Variants in JAZF1 observed in about 807,000 individuals in gnomAD.
JAZF1 encodes the protein JAZF zinc finger 1.
In JAZF1, 8 loss-of-function variants were observed where a neutral mutation model predicts 26.4. The observed-to-expected ratio is 0.30, with a 90% CI of 0.18 to 0.55. The LOEUF is 0.55. Among genes scored for constraint, JAZF1 ranks in the 20% least tolerant of loss-of-function variants. The probability of loss-of-function intolerance (pLI) is 0.94; values close to 1 mark genes in which losing one functional copy is unlikely to be tolerated. For missense variants in JAZF1, 199 were observed against 322.0 expected (o/e 0.62, Z 2.92); for synonymous variants, 126 against 122.3 (o/e 1.03, Z -0.20).
At chr7:28,125,134 C>A (rs1782674137) in intron 1 of JAZF1, among the ~76,000 whole-genome samples, 2 of 139,836 alleles carry the variant, frequency 1.4e-5, no homozygotes, top group South Asian at 2.2e-4. Flanking sequence ...AATTATGGAA[C>A]AGGGAAGATT....
chr7:27,886,524 T>C (rs532486258), intron 3 of JAZF1, among the ~76,000 whole-genome samples: 1 of 152,376 alleles, frequency 6.6e-6, no homozygotes, highest in African/African-American at 2.4e-5. Flanking sequence ...TGCCTTGCAA[T>C]TATCTATGAC....
intron 1 of JAZF1, among the ~76,000 whole-genome samples, chr7:28,047,530 T>G (rs1300744201): frequency 6.6e-6 from 1 of 152,132 alleles, no homozygotes; most frequent in East Asian, 1.9e-4. Flanking sequence ...CTCATAGACG[T>G]TTTTTGTTAA....
intron 2 of JAZF1, among the ~76,000 whole-genome samples, chr7:27,913,768 T>C (rs982634747): frequency 6.6e-6 from 1 of 152,158 alleles, no homozygotes; most frequent in African/African-American, 2.4e-5. Flanking sequence ...ATAATTGAAG[T>C]CTAATTTCTC....
chr7:28,158,398 G>C (rs1191278382), intron 1 of JAZF1, among the ~76,000 whole-genome samples: 2 of 152,180 alleles, frequency 1.3e-5, no homozygotes, highest in Non-Finnish European at 2.9e-5. Context: ...CTAGAAATCA[G>C]GAGTGCTAAC....
chr7:27,909,876 C>T (rs204), intron 2 of JAZF1, among the ~76,000 whole-genome samples: 2 of 151,820 alleles, frequency 1.3e-5, no homozygotes, highest in Non-Finnish European at 2.9e-5. Context: ...AAAATATATA[C>T]GGATTTTTAA....
At chr7:28,071,932 C>G (rs1449347394) in intron 1 of JAZF1, among the ~76,000 whole-genome samples, 1 of 152,164 alleles carries the variant, frequency 6.6e-6, no homozygotes, top group Non-Finnish European at 1.5e-5. Context: ...CTCATTTTAA[C>G]TTTTGTTTTC....
chr7:27,836,636 T>C (rs62451071), intron 4 of JAZF1, among the ~76,000 whole-genome samples: 15 of 151,968 alleles, frequency 9.9e-5, no homozygotes, highest in African/African-American at 3.1e-4. Flanking sequence ...AGAAAACAAA[T>C]TGGGGATGGT....
chr7:28,029,911 G>A (rs1236072981), intron 1 of JAZF1, among the ~76,000 whole-genome samples: 1 of 152,232 alleles, frequency 6.6e-6, no homozygotes, highest in Non-Finnish European at 1.5e-5. Context: ...TGAAAGTCAA[G>A]GGGTTGAGGT....
intron 1 of JAZF1, among the ~76,000 whole-genome samples, chr7:28,149,352 G>A (rs556598552): frequency 2.6e-5 from 4 of 152,258 alleles, no homozygotes; most frequent in Non-Finnish European, 4.4e-5. Flanking sequence ...CAAGAAAGAC[G>A]TCCATGGAGA....
At chr7:28,078,018 A>G (rs185196326) in intron 1 of JAZF1, among the ~76,000 whole-genome samples, 148 of 152,364 alleles carry the variant, frequency 9.7e-4, no homozygotes, top group African/African-American at 3.3e-3. Context: ...TATGAGACAA[A>G]TAATTCCTGG....
chr7:27,913,448 C>T lies in JAZF1; in HGVS notation c.189-18032G>A, dbSNP rs956707965. 9 of 420,938 alleles carry T rather than the reference C, an allele frequency of 2.1e-5. No homozygotes were observed. The Middle Eastern group carries it at 1.0e-3, about 48-fold the overall frequency. The allele number at this position is 420,938 out of a possible 1,614,324, so 26.1% of individuals were successfully genotyped here. ...GTCTTCTCTAGGTCTGTCTCATCTC[C>T]GCTGTCTGTGGGCGGAAGAGGGTGG... On this transcript the variant is annotated intron_variant, in intron 2 of 4. Coordinates refer to ENST00000283928, the MANE Select transcript of JAZF1 (RefSeq NM_175061.4).
intron 3 of JAZF1, among the ~76,000 whole-genome samples, chr7:27,854,292 A>G (rs945999236): frequency 6.6e-6 from 1 of 152,230 alleles, no homozygotes; most frequent in East Asian, 1.9e-4. Flanking sequence ...TCCCGAATAC[A>G]GTACACCAAT....
intron 1 of JAZF1, among the ~76,000 whole-genome samples, chr7:28,155,292 T>C (rs1783165341): frequency 6.6e-6 from 1 of 152,250 alleles, no homozygotes; most frequent in Non-Finnish European, 1.5e-5. Flanking sequence ...AGAACTCATT[T>C]TGAGAGAAGA....
intron 3 of JAZF1, among the ~76,000 whole-genome samples, chr7:27,859,323 T>G (rs1783333214): frequency 6.6e-6 from 1 of 152,222 alleles, no homozygotes; most frequent in African/African-American, 2.4e-5. Flanking sequence ...TGGTGATTCC[T>G]CAAGGATCTA....
chr7:27,929,848 C>A (rs1440574410), intron 2 of JAZF1, among the ~76,000 whole-genome samples: 2 of 151,592 alleles, frequency 1.3e-5, no homozygotes, highest in East Asian at 1.9e-4. Context: ...AAAGATATAC[C>A]CCAAAATATC....
chr7:28,078,398 C>G (rs142234076), intron 1 of JAZF1, among the ~76,000 whole-genome samples: 1 of 152,342 alleles, frequency 6.6e-6, no homozygotes, highest in Non-Finnish European at 1.5e-5. Flanking sequence ...AAAATGCTCT[C>G]TAAGCTGGAA....
intron 1 of JAZF1, among the ~76,000 whole-genome samples, chr7:28,075,502 T>C (rs1297634153): frequency 1.3e-5 from 2 of 152,262 alleles, no homozygotes; most frequent in African/African-American, 4.8e-5. Context: ...TCCTGATTTT[T>C]ACCATAAACA....
intron 3 of JAZF1, among the ~76,000 whole-genome samples, chr7:27,893,621 A>T (rs1278837682): frequency 6.6e-6 from 1 of 152,160 alleles, no homozygotes; most frequent in African/African-American, 2.4e-5. Context: ...ACTGGGTCAA[A>T]CTTCTCTCCG....
At chr7:28,021,856 G>A (rs944606908) in intron 1 of JAZF1, among the ~76,000 whole-genome samples, 2 of 152,212 alleles carry the variant, frequency 1.3e-5, no homozygotes, top group African/African-American at 4.8e-5. Flanking sequence ...GACATTCACT[G>A]AACATTTGGC....
Sources: allele counts gnomAD v4.1 joint callset (sites outside exome capture counted in the v4.1 genomes callset), GRCh38; gene constraint gnomAD v4.1.1; transcripts MANE v1.5; gene names NCBI Gene and HGNC (gene_info 2026-07-23, HGNC 2026-07-21).